CSMD3: variants seen among roughly 807,000 people sequenced by gnomAD.
CSMD3 encodes the protein CUB and sushi domain-containing protein 3.
A neutral mutation model predicts 435.2 loss-of-function variants in CSMD3; 177 were observed. The ratio of observed to expected loss-of-function variants is 0.41; its 90% CI spans 0.36 to 0.46. The LOEUF (loss-of-function observed/expected upper bound fraction) is 0.46, where lower values mean the gene tolerates loss of function less well. Ranked by LOEUF, CSMD3 falls within the 20% of genes least tolerant of loss-of-function variation. The probability of loss-of-function intolerance (pLI) is 0.34; values close to 1 mark genes in which losing one functional copy is unlikely to be tolerated. For synonymous variants in CSMD3, 1,656 were observed against 1,520.5 expected (o/e 1.09, Z -2.07); for missense variants, 4,265 against 4,504.6 (o/e 0.95, Z 1.52).
In CSMD3 at chr8:112,576,835, C is replaced by CATATATAT. The variant is rs5894088; in HGVS notation, c.3886-3186_3886-3179dup. On this transcript the variant is annotated intron_variant, in intron 23 of 70. Transcript: ENST00000297405. ...ATGAGCCACTGCACCAGGCAGCATA[C>CATATATAT]ATATATATATATATATATATATGAA... 5.7e-3 allele frequency among the ~76,000 whole-genome samples: 410 copies of CATATATAT among 71,586 alleles called. 4 individuals carry two copies. Among genetic ancestry groups the CATATATAT allele is most frequent in the African/African-American group, 0.014 (395 of 28,370 alleles). The allele number at this position is 71,586 out of a possible 152,430, so 47.0% of individuals were successfully genotyped here.
chr8:112,648,509 T>C (rs1266834695), intron 19 of CSMD3, among the ~76,000 whole-genome samples: 1 of 152,146 alleles, frequency 6.6e-6, no homozygotes, highest in Admixed American at 6.5e-5. Flanking sequence ...GTTAAGGACA[T>C]TGAATTCCAT....
intron 11 of CSMD3, among the ~76,000 whole-genome samples, chr8:112,852,674 G>A (rs2129748684): frequency 6.6e-6 from 1 of 152,184 alleles, no homozygotes; most frequent in South Asian, 2.1e-4. Flanking sequence ...TATAATCCCA[G>A]CACTTTGGGA....
chr8:112,606,972 G>A (rs77439903), intron 22 of CSMD3, among the ~76,000 whole-genome samples: 34 of 36,632 alleles, frequency 9.3e-4, no homozygotes, highest in Admixed American at 2.1e-3. Flanking sequence ...CTCAAGCTAT[G>A]AAAAAAAAAA....
In CSMD3 at chr8:112,229,760, T is replaced by G. The variant is rs147595146; in HGVS notation, c.10829-869A>C. Among the ~76,000 whole-genome samples, 36 of 152,124 alleles carry G rather than the reference T, an allele frequency of 2.4e-4. No individual in the cohort carries two copies. In the East Asian group the frequency reaches 6.8e-3, roughly 29 times the overall value. On this transcript the variant is annotated intron_variant, in intron 69 of 70. Transcript: ENST00000297405. ...ACTATCCACCTCAGTGAGGAACAACTGAAGGTGTTTAGAAATAAAAGACCC... is the reference window on the plus strand; with the variant it reads ...ACTATCCACCTCAGTGAGGAACAACGGAAGGTGTTTAGAAATAAAAGACCC...
intron 1 of CSMD3, among the ~76,000 whole-genome samples, chr8:113,354,069 G>A (rs1454278381): frequency 6.6e-6 from 1 of 151,978 alleles, no homozygotes; most frequent in African/African-American, 2.4e-5. Context: ...TTTGCACTTA[G>A]GTGAATCACC....
At chr8:112,419,993 C>A (rs1404988383) in intron 32 of CSMD3, among the ~76,000 whole-genome samples, 1 of 152,068 alleles carries the variant, frequency 6.6e-6, no homozygotes, top group Non-Finnish European at 1.5e-5. Flanking sequence ...TTGTTTTGAA[C>A]CATTTTCAAT....
Position 112,685,640 on chromosome 8 carries a change from T to A in CSMD3, c.2248A>T (p.Thr750Ser), listed in dbSNP as rs761486643. 38 of 1,613,490 alleles carry A rather than the reference T, an allele frequency of 2.4e-5. No individual in the cohort carries two copies. Among genetic ancestry groups the A allele is most frequent in the Non-Finnish European group, 3.1e-5 (37 of 1,179,448 alleles). Residue 750 changes from threonine to serine, a missense_variant, in exon 15 of 71, where the codon ACG becomes TCG. By Grantham distance (58) the Thr-to-Ser change is moderately conservative (BLOSUM62 1). This residue lies in a region of CSMD3 where 279 missense variants were observed against 369.0 expected (regional missense o/e 0.76). Transcript: ENST00000297405. ...GYGNNLNCIW[T>S]IISDPGSRIH... ...CGGCTCCCTGGATCAGAGATTATCG[T>A]CCAGATGCAATTTAAATTATTTCCA...
At chr8:112,820,532 G>A (rs765751183) in intron 12 of CSMD3, among the ~76,000 whole-genome samples, 5 of 150,878 alleles carry the variant, frequency 3.3e-5, no homozygotes, top group Non-Finnish European at 7.4e-5. Context: ...TGTTTAAATA[G>A]AACTGATTAA....
At chr8:112,557,513 A>G (rs1586678088) in intron 24 of CSMD3, among the ~76,000 whole-genome samples, 1 of 152,116 alleles carries the variant, frequency 6.6e-6, no homozygotes, top group East Asian at 1.9e-4. Context: ...GCCGGGTCAT[A>G]TACATACATC....
At chr8:112,701,607 T>A (rs1421651545) in intron 13 of CSMD3, among the ~76,000 whole-genome samples, 1 of 152,118 alleles carries the variant, frequency 6.6e-6, no homozygotes, top group Non-Finnish European at 1.5e-5. Flanking sequence ...TTTTAAGAAA[T>A]TTTTTTGTCT....
chr8:112,324,945 T>G (rs1823353518), intron 45 of CSMD3, among the ~76,000 whole-genome samples: 1 of 152,106 alleles, frequency 6.6e-6, no homozygotes, highest in South Asian at 2.1e-4. Context: ...TGTCCCCAAA[T>G]GACTTACGCA....
At chr8:112,429,216 C>A (rs890635236) in intron 32 of CSMD3, among the ~76,000 whole-genome samples, 2 of 152,036 alleles carry the variant, frequency 1.3e-5, no homozygotes, top group Non-Finnish European at 1.5e-5. Flanking sequence ...ATACCTCAAC[C>A]CCTGTTAACC....
At chr8:113,404,455 TTC>T (rs2094523779) in intron 1 of CSMD3, among the ~76,000 whole-genome samples, 1 of 151,418 alleles carries the variant, frequency 6.6e-6, no homozygotes, top group African/African-American at 2.4e-5. Context: ...ATATGTCTTT[TTC>T]TCTCTCTGCC....
intron 7 of CSMD3, among the ~76,000 whole-genome samples, chr8:112,970,610 T>C (rs948011195): frequency 6.6e-6 from 1 of 152,050 alleles, no homozygotes; most frequent in Non-Finnish European, 1.5e-5. Flanking sequence ...TTTATTTTTG[T>C]TGCAGACTAA....
At chr8:112,272,605 G>A (rs1817627739) in intron 59 of CSMD3, among the ~76,000 whole-genome samples, 1 of 152,058 alleles carries the variant, frequency 6.6e-6, no homozygotes, top group African/African-American at 2.4e-5. Context: ...TCTGCCCGTA[G>A]TCAGGAAGCC....
At chr8:113,006,142 T>A (rs2086046914) in intron 6 of CSMD3, among the ~76,000 whole-genome samples, 1 of 152,022 alleles carries the variant, frequency 6.6e-6, no homozygotes, top group South Asian at 2.1e-4. Context: ...TCCCAATAAA[T>A]CCCTAATAAA....
chr8:112,291,766 A>C, intron 55 of CSMD3, 71 bp from the exon 56 acceptor site: 1 of 955,144 alleles, frequency 1.0e-6, no homozygotes, highest in South Asian at 1.4e-5. Context: ...TTTATATTAG[A>C]AATGTACATA....
At position 113,436,677 on chromosome 8, in the gene CSMD3, C is replaced by T; in HGVS notation, c.178G>A (p.Gly60Arg). 6.2e-7 allele frequency: 1 copy of T among 1,614,146 alleles called. No individual in the cohort carries two copies. Reference sequence around the variant, plus strand: ...GAGGGGACCCCCAAAGCAGACCTACCTTTCACACAAGACACCGTCAATAAA... The same window carrying T: ...GAGGGGACCCCCAAAGCAGACCTACTTTTCACACAAGACACCGTCAATAAA... ...VFLLTVSCVKGFIYTCGGTLK... is the reference protein window; with the variant it reads ...VFLLTVSCVKRFIYTCGGTLK... The change falls in exon 1 of 71, where the codon GGA becomes AGA. Residue 60 changes from glycine to arginine, a missense_variant and splice_region_variant. Gly to Arg is a moderately radical substitution (Grantham distance 125, BLOSUM62 -2). This residue lies in a region of CSMD3 where 731 missense variants were observed against 755.4 expected (regional missense o/e 0.97). Coordinates refer to ENST00000297405, the MANE Select transcript of CSMD3 (RefSeq NM_198123.2).
At chr8:112,794,174 A>G (rs1164750276) in intron 13 of CSMD3, among the ~76,000 whole-genome samples, 1 of 152,092 alleles carries the variant, frequency 6.6e-6, no homozygotes, top group Non-Finnish European at 1.5e-5. Context: ...ATTAAAAAAA[A>G]GTTATACCAG....
Sources: gnomAD v4.1 joint callset for allele counts (sites outside exome capture counted in the v4.1 genomes callset) on GRCh38, gnomAD v4.1.1 for gene constraint, gnomAD v4.1.1 regional missense constraint, MANE v1.5 for transcripts, NCBI Gene and HGNC (gene_info 2026-07-23, HGNC 2026-07-21) for gene names.